Variants in MIA2 observed in about 807,000 individuals in gnomAD.
MIA2 encodes the protein MIA SH3 domain ER export factor 2.
In MIA2, 127 loss-of-function variants were observed where a neutral mutation model predicts 167.8. The observed-to-expected ratio is 0.76, with a 90% CI of 0.66 to 0.88. MIA2 has a LOEUF of 0.88. Among genes scored for constraint, MIA2 ranks in the 40% least tolerant of loss-of-function variants. The pLI, the probability that MIA2 is intolerant of heterozygous loss-of-function variation, is 0.00. For missense variants in MIA2, 1,690 were observed against 1,624.7 expected (o/e 1.04, Z -0.69); for synonymous variants, 552 against 541.9 (o/e 1.02, Z -0.26).
chr14:39,341,228 G>T (rs981003911), intron 25 of MIA2, among the ~76,000 whole-genome samples: 2 of 152,034 alleles, frequency 1.3e-5, no homozygotes, highest in African/African-American at 4.8e-5. Context: ...CTTGACCCTG[G>T]GAGGGAGAGC....
At chr14:39,364,738 T>A (rs2074779394) in intron 23 of MIA2, among the ~76,000 whole-genome samples, 1 of 152,150 alleles carries the variant, frequency 6.6e-6, no homozygotes, top group East Asian at 1.9e-4. Flanking sequence ...GTTTTTGTTT[T>A]GTTTTGTTTT....
intron 24 of MIA2, among the ~76,000 whole-genome samples, chr14:39,326,206 T>C (rs1595651638): frequency 6.6e-6 from 1 of 152,392 alleles, no homozygotes; most frequent in African/African-American, 2.4e-5. Flanking sequence ...TCAGAACTTA[T>C]GAATTCTTCT....
chr14:39,380,147 C>T (rs2075125276), intron 23 of MIA2, among the ~76,000 whole-genome samples: 1 of 152,150 alleles, frequency 6.6e-6, no homozygotes, highest in African/African-American at 2.4e-5. Context: ...TCCTTCAGAC[C>T]TTTAAGATAA....
At chr14:39,376,769 A>G (rs947388919) in intron 23 of MIA2, among the ~76,000 whole-genome samples, 3 of 152,178 alleles carry the variant, frequency 2.0e-5, no homozygotes, top group African/African-American at 7.2e-5. Flanking sequence ...GCTGGAGGGG[A>G]AATAGGAAGT....
chr14:39,370,576 TG>T, intron 23 of MIA2: 1 of 371,816 alleles, frequency 2.7e-6, no homozygotes. Context: ...GAAGCCGCAT[TG>T]GGGCTGCTCC....
At chr14:39,367,972 A>G (rs1305302359) in intron 23 of MIA2, among the ~76,000 whole-genome samples, 1 of 152,168 alleles carries the variant, frequency 6.6e-6, no homozygotes. Flanking sequence ...GAGAAGTCTG[A>G]AGGAAATTTC....
At chr14:39,372,127 T>C (rs2074960237) in intron 23 of MIA2, among the ~76,000 whole-genome samples, 1 of 152,060 alleles carries the variant, frequency 6.6e-6, no homozygotes, top group Non-Finnish European at 1.5e-5. Flanking sequence ...TGATGTGGAA[T>C]AAATTTCTTA....
intron 23 of MIA2, among the ~76,000 whole-genome samples, chr14:39,365,571 G>A (rs1017071506): frequency 2.6e-5 from 4 of 152,010 alleles, no homozygotes; most frequent in Non-Finnish European, 4.4e-5. Context: ...GATCTAGTCT[G>A]TTGTTGAAGC....
intron 13 of MIA2, among the ~76,000 whole-genome samples, 178 bp from the exon 14 acceptor site, chr14:39,299,682 TATAA>T (rs1229927303): frequency 1.3e-5 from 2 of 152,328 alleles, no homozygotes; most frequent in Non-Finnish European, 2.9e-5. Context: ...CTTTATTTGA[TATAA>T]ATATATGATA....
chr14:39,302,240 G>A lies in MIA2; in HGVS notation c.2731G>A (p.Ala911Thr). 6.2e-7 allele frequency: 1 copy of A among 1,613,544 alleles called. No homozygotes were observed. Among genetic ancestry groups the A allele is most frequent in the Non-Finnish European group, 8.5e-7 (1 of 1,179,608 alleles). Residue 911 changes from alanine (A) to threonine (T), a missense_variant, in exon 15 of 29, where the codon GCT (alanine) becomes ACT (threonine). By Grantham distance (58) the Ala-to-Thr change is moderately conservative. Coordinates refer to ENST00000640607, the MANE Select transcript of MIA2 (RefSeq NM_001329214.4). ...LEMNSESENG[A>T]YLDNPPKGAL... Reference sequence around the variant, plus strand: ...AATGAACAGTGAATCGGAAAATGGTGCTTACTTAGGTATTAAGTCATGACT... The same window carrying A: ...AATGAACAGTGAATCGGAAAATGGTACTTACTTAGGTATTAAGTCATGACT...
chr14:39,273,865 C>T (rs2057536694), intron 6 of MIA2, among the ~76,000 whole-genome samples: 2 of 152,092 alleles, frequency 1.3e-5, no homozygotes, highest in Admixed American at 1.3e-4. Context: ...GGAAGTATTT[C>T]TTCCTCCTCT....
At chr14:39,272,097 T>C (rs537030781) in intron 6 of MIA2, among the ~76,000 whole-genome samples, 2 of 152,272 alleles carry the variant, frequency 1.3e-5, no homozygotes, top group African/African-American at 4.8e-5. Context: ...CTCATGCCTG[T>C]AATCCCAGCA....
At chr14:39,345,357 A>G (rs2073006765) in intron 25 of MIA2, among the ~76,000 whole-genome samples, 1 of 152,140 alleles carries the variant, frequency 6.6e-6, no homozygotes, top group Admixed American at 6.6e-5. Flanking sequence ...TACAGGTGTG[A>G]GCCACCATAC....
At chr14:39,235,791 T>G (rs1011335383) in intron 1 of MIA2, among the ~76,000 whole-genome samples, 3 of 151,732 alleles carry the variant, frequency 2.0e-5, no homozygotes, top group Admixed American at 2.0e-4. Flanking sequence ...AAAATATATA[T>G]AAAGAAAAAA....
At chr14:39,294,897 C>G in intron 12 of MIA2, 28 bp from the exon 13 acceptor site, 1 of 1,447,762 alleles carries the variant, frequency 6.9e-7, no homozygotes, top group Non-Finnish European at 9.7e-7. Flanking sequence ...TTAATTGTTA[C>G]AAACTTGACA....
chr14:39,240,138 G>T (rs181123370), intron 2 of MIA2, among the ~76,000 whole-genome samples: 1 of 152,240 alleles, frequency 6.6e-6, no homozygotes, highest in South Asian at 2.1e-4. Context: ...AGTTTAAACC[G>T]CCTGTCTGAT....
At chr14:39,269,073 A>ATTTTTTTTTTTTTTTT in intron 6 of MIA2, 1 of 362,202 alleles carries the variant, frequency 2.8e-6, no homozygotes, top group Non-Finnish European at 3.4e-6. Context: ...TCACCTGCAC[A>ATTTTTTTTTTTTTTTT]GTTTTTTTTT....
At chr14:39,386,074 A>C in intron 23 of MIA2, 1 of 1,270,342 alleles carries the variant, frequency 7.9e-7, no homozygotes, top group Non-Finnish European at 1.1e-6. Context: ...TACTGTCTTT[A>C]AGAAACCCGC....
chr14:39,357,688 T>A (rs2074565430), intron 23 of MIA2, among the ~76,000 whole-genome samples: 2 of 152,228 alleles, frequency 1.3e-5, no homozygotes, highest in Non-Finnish European at 2.9e-5. Context: ...CAGTGGCTGT[T>A]ACAGGTTGTT....
Sources: allele counts gnomAD v4.1 joint callset (sites outside exome capture counted in the v4.1 genomes callset), GRCh38; gene constraint gnomAD v4.1.1; transcripts MANE v1.5; gene names NCBI Gene and HGNC (gene_info 2026-07-23, HGNC 2026-07-21).